EOGT: variants seen among roughly 807,000 people sequenced by gnomAD.
The protein encoded by EOGT is EGF domain specific O-linked N-acetylglucosamine transferase, also known as EGF domain-specific O-linked N-acetylglucosamine transferase.
In EOGT, 55 loss-of-function variants were observed where a neutral mutation model predicts 70.5. The observed-to-expected ratio is 0.78, with a 90% confidence interval of 0.63 to 0.98. The LOEUF (loss-of-function observed/expected upper bound fraction) is 0.98. Among genes scored for constraint, EOGT ranks in the 50% least tolerant of loss-of-function variants. EOGT has a pLI of 0.00. For missense variants in EOGT, 703 were observed against 641.9 expected (o/e 1.10, Z -1.03); for synonymous variants, 246 against 217.1 (o/e 1.13, Z -1.17).
chr3:68,988,561 GCTT>G lies in EOGT; in HGVS notation c.938_940del (p.Glu313del). On this transcript the variant is annotated inframe_deletion, in exon 12 of 18. Transcript: ENST00000383701. ...CATGCGGGGGAGTAATGAAAAAACA[GCTT>G]CTTTAAAACATACCTAAGAACAAAG... The G allele has an allele frequency of 1.3e-6, 2 of 1,531,766 alleles. No homozygotes were observed. The highest frequency in any genetic ancestry group is 1.7e-6 in the Non-Finnish European group (2 of 1,144,576). The allele number at this position is 1,531,766 out of a possible 1,614,324, so 94.9% of individuals were successfully genotyped here.
intron 10 of EOGT, among the ~76,000 whole-genome samples, chr3:68,994,770 G>A (rs1345437100): frequency 6.6e-6 from 1 of 152,190 alleles, no homozygotes; most frequent in East Asian, 1.9e-4. Flanking sequence ...GAGCCTGGGT[G>A]ACAAGCAAGA....
rs911416443 is a variant in EOGT at position 68,999,191 on chromosome 3, C to G, written c.728-1077G>C. On this transcript the variant is annotated intron_variant, in intron 9 of 17. Transcript: ENST00000383701. Reference sequence around the variant, plus strand: ...AAGTGCCAGCTTTATTATGAGAAACCCAAAGATAATACATCTTAAAGTACC... The same window carrying G: ...AAGTGCCAGCTTTATTATGAGAAACGCAAAGATAATACATCTTAAAGTACC... Among the ~76,000 whole-genome samples the G allele has an allele frequency of 2.0e-5, 3 of 152,092 alleles. No individual in the cohort carries two copies. In the East Asian group the frequency reaches 5.8e-4, roughly 29 times the overall value.
intron 10 of EOGT, 42 bp from the exon 11 acceptor site, chr3:68,989,059 A>G: frequency 8.5e-7 from 1 of 1,181,946 alleles, no homozygotes; most frequent in East Asian, 2.6e-5. Context: ...CAATAAAAGG[A>G]TATAACATGA....
rs760176145 is a variant in EOGT at position 68,977,732 on chromosome 3, C to T, written c.1470G>A (p.Lys490=). 6.2e-7 allele frequency: 1 copy of T among 1,613,552 alleles called. No homozygotes were observed. The highest frequency in any genetic ancestry group is 8.5e-7 in the Non-Finnish European group (1 of 1,179,816). The part of the protein sequence containing the change: ...GHHPTLGEHP[K]FTNYSFDVEE... Reference sequence around the variant, plus strand: ...CTACATCGAAAGAGTAGTTGGTGAACTTCGGGTGCTCCCCCAGGGTTGGAT... The same window carrying T: ...CTACATCGAAAGAGTAGTTGGTGAATTTCGGGTGCTCCCCCAGGGTTGGAT... The change falls in exon 18 of 18, where the codon AAG becomes AAA. Residue 490 remains lysine (K), a synonymous_variant. Transcript: ENST00000383701.
Position 68,982,816 on chromosome 3 carries a change from C to A in EOGT, c.1209G>T (p.Lys403Asn). 1 of 1,606,906 alleles carries A rather than the reference C, an allele frequency of 6.2e-7. No homozygotes were observed. The highest frequency in any genetic ancestry group is 2.2e-5 in the East Asian group (1 of 44,634). Reference protein sequence around the residue: ...STFEVQIVDYKYRELGFLDQL... With the variant: ...STFEVQIVDYNYRELGFLDQL... Reference sequence around the variant, plus strand: ...TGAGATTGGCTATTACTTACCTATACTTGTAATCAACAATCTGGACTTCAA... The same window carrying A: ...TGAGATTGGCTATTACTTACCTATAATTGTAATCAACAATCTGGACTTCAA... Residue 403 changes from lysine (K) to asparagine (N), a missense_variant, in exon 15 of 18, where the codon AAG becomes AAT. Lys to Asn is a moderately conservative substitution (Grantham distance 94, BLOSUM62 0). Transcript: ENST00000383701.
In EOGT at chr3:68,975,301, TAATA is replaced by T. The variant is rs945893164; in HGVS notation, c.*2313_*2316del. 1 of 152,646 alleles carries T rather than the reference TAATA, an allele frequency of 6.6e-6. No homozygotes were observed. The highest frequency in any genetic ancestry group is 1.9e-4 in the East Asian group (1 of 5,194). The allele number at this position is 152,646 out of a possible 1,614,324, so 9.5% of individuals were successfully genotyped here. On this transcript the variant is annotated 3_prime_UTR_variant, in exon 18 of 18. Transcript: ENST00000383701. ...ATGAAATACATCCCTGTTAAAGACTTAATAAAAAGAGCAATCTTTACATTTTACA... is the reference window on the plus strand; with the variant it reads ...ATGAAATACATCCCTGTTAAAGACTTAAAAGAGCAATCTTTACATTTTACA...
intron 14 of EOGT, 37 bp from the exon 15 acceptor site, chr3:68,982,909 C>T (rs1373568348): frequency 2.0e-6 from 3 of 1,526,754 alleles, no homozygotes; most frequent in African/African-American, 1.4e-5. Flanking sequence ...ATTTCTTTTC[C>T]TTCTTTCACT....
intron 16 of EOGT, 132 bp from the exon 17 acceptor site, chr3:68,978,567 G>A: frequency 1.7e-6 from 1 of 593,326 alleles, no homozygotes; most frequent in Non-Finnish European, 3.0e-6. Flanking sequence ...GAGGAAGACA[G>A]TAAACAAGAC....
At chr3:68,981,366 T>G (rs757909240) in intron 15 of EOGT, among the ~76,000 whole-genome samples, 1 of 152,190 alleles carries the variant, frequency 6.6e-6, no homozygotes, top group Non-Finnish European at 1.5e-5. Context: ...ATGAATGAAG[T>G]GCAAAGCTCC....
intron 10 of EOGT, among the ~76,000 whole-genome samples, chr3:68,996,071 C>T (rs1393513779): frequency 6.6e-6 from 1 of 152,092 alleles, no homozygotes; most frequent in Non-Finnish European, 1.5e-5. Context: ...CCTGACTTCA[C>T]TGATACAAAA....
intron 9 of EOGT, among the ~76,000 whole-genome samples, chr3:69,000,468 T>C (rs2091266989): frequency 6.6e-6 from 1 of 152,226 alleles, no homozygotes; most frequent in African/African-American, 2.4e-5. Context: ...ACCTGGAACA[T>C]AGCATTTTTA....
intron 9 of EOGT, among the ~76,000 whole-genome samples, chr3:68,999,517 T>C (rs965537740): frequency 1.3e-5 from 2 of 152,214 alleles, no homozygotes; most frequent in Non-Finnish European, 2.9e-5. Flanking sequence ...TCATAAAATA[T>C]TCTGACTTCA....
In EOGT at chr3:68,977,720, G is replaced by A; in HGVS notation, c.1482C>T (p.Tyr494=). 6.2e-7 allele frequency: 1 copy of A among 1,613,868 alleles called. No homozygotes were observed. The highest frequency in any genetic ancestry group is 8.5e-7 in the Non-Finnish European group (1 of 1,179,922). Residue 494 remains tyrosine, a synonymous_variant, in exon 18 of 18, where the codon TAC becomes TAT. Transcript: ENST00000383701. ...ACATAAATTCTTCTACATCGAAAGA[G>A]TAGTTGGTGAACTTCGGGTGCTCCC... ...TLGEHPKFTN[Y]SFDVEEFMYL... is the part of the protein sequence containing the mutation.
rs1210290049 is a variant in EOGT at position 69,005,135 on chromosome 3, A to G, written c.515+5T>C. 12 of 1,488,082 alleles carry G rather than the reference A, an allele frequency of 8.1e-6. No individual in the cohort carries two copies. The highest frequency in any genetic ancestry group is 1.1e-5 in the Non-Finnish European group (12 of 1,073,816). The allele number at this position is 1,488,082 out of a possible 1,614,324, so 92.2% of individuals were successfully genotyped here. A position where few individuals can be genotyped will look rare whatever the true frequency, so the allele number is the denominator to read the frequency against. ...ACTAGATGTTAACATTAACCACTAA[A>G]GTACCTGTCATGATTTCTCTTGATG... On this transcript the variant is annotated splice_donor_5th_base_variant and intron_variant, in intron 7 of 17. Coordinates refer to ENST00000383701, the MANE Select transcript of EOGT (RefSeq NM_001278689.2).
chr3:69,003,632 T>A, intron 8 of EOGT, among the ~76,000 whole-genome samples: 1 of 152,026 alleles, frequency 6.6e-6, no homozygotes, highest in Admixed American at 6.5e-5. Context: ...ATTTTTAAAC[T>A]TCTATGAGTC....
At chr3:68,988,685 C>CT in intron 11 of EOGT, 108 bp from the exon 12 acceptor site, 1 of 704,618 alleles carries the variant, frequency 1.4e-6, no homozygotes, top group Non-Finnish European at 2.3e-6. Flanking sequence ...TTTTGCATTG[C>CT]TTGAATAGCA....
chr3:68,988,406 T>C (rs1203509118), intron 12 of EOGT, 25 bp from the exon 13 acceptor site: 5 of 1,507,066 alleles, frequency 3.3e-6, no homozygotes, highest in Non-Finnish European at 4.5e-6. Flanking sequence ...CTGGTTCATA[T>C]TACAATGAAT....
intron 15 of EOGT, 38 bp from the exon 16 acceptor site, chr3:68,979,825 A>G (rs1308106010): frequency 3.7e-6 from 6 of 1,604,728 alleles, no homozygotes; most frequent in Non-Finnish European, 3.4e-6. Flanking sequence ...AGATGGGGAG[A>G]AGAGAGAAGT....
In EOGT at chr3:68,977,741, C is replaced by G; in HGVS notation, c.1461G>C (p.Glu487Asp). ...QDKGHHPTLG[E>D]HPKFTNYSFD... The stretch of plus-strand genomic sequence containing the variant: ...AAGAGTAGTTGGTGAACTTCGGGTG[C>G]TCCCCCAGGGTTGGATGGTGGCCCT... The change falls in exon 18 of 18, where the codon GAG (glutamate) becomes GAC (aspartate). Residue 487 changes from glutamate (E) to aspartate (D), a missense_variant. Coordinates refer to ENST00000383701, the MANE Select transcript of EOGT (RefSeq NM_001278689.2). 1 of 1,613,318 alleles carries G rather than the reference C, an allele frequency of 6.2e-7. No individual in the cohort carries two copies. Among genetic ancestry groups the G allele is most frequent in the South Asian group, 1.1e-5 (1 of 90,896 alleles).
Sources: allele counts gnomAD v4.1 joint callset (sites outside exome capture counted in the v4.1 genomes callset), GRCh38; gene constraint gnomAD v4.1.1; transcripts MANE v1.5; gene names NCBI Gene and HGNC (gene_info 2026-07-23, HGNC 2026-07-21).